The following PCOLCE variants were observed in gnomAD, a reference collection of about 807,000 sequenced individuals.
PCOLCE encodes the protein procollagen C-endopeptidase enhancer.
In PCOLCE, 33 loss-of-function variants were observed where a neutral mutation model predicts 47.2. The ratio of observed to expected loss-of-function variants is 0.70; its 90% CI spans 0.53 to 0.93. The LOEUF (loss-of-function observed/expected upper bound fraction) is 0.93, where lower values mean the gene tolerates loss of function less well. PCOLCE is among the 40% of genes least tolerant of loss of function. The probability of loss-of-function intolerance (pLI) is 0.00; values close to 1 mark genes in which losing one functional copy is unlikely to be tolerated. For synonymous variants in PCOLCE, 254 were observed against 252.5 expected (o/e 1.01, Z -0.06); for missense variants, 584 against 585.3 (o/e 1.00, Z 0.02).
At position 100,604,052 on chromosome 7, in the gene PCOLCE, G is replaced by A; in HGVS notation, c.298G>A (p.Gly100Arg). ...CRYDALEVFAGSGTSGQRLGR... is the reference protein window; with the variant it reads ...CRYDALEVFARSGTSGQRLGR... ...CTACGATGCTCTGGAGGTCTTCGCTGGGTCTGGGACTTCCGGCCAGCGGCT... is the reference window on the plus strand; with the variant it reads ...CTACGATGCTCTGGAGGTCTTCGCTAGGTCTGGGACTTCCGGCCAGCGGCT... The change falls in exon 3 of 9, where the codon GGG becomes AGG. Residue 100 changes from glycine to arginine, a missense_variant. Gly to Arg is a moderately radical substitution (Grantham distance 125, BLOSUM62 -2). Transcript: ENST00000223061. The surrounding 1 kb of genome is among the most constrained non-coding windows in gnomAD (Gnocchi z 6.4). 1 of 1,608,334 alleles carries A rather than the reference G, an allele frequency of 6.2e-7. No individual in the cohort carries two copies. The highest frequency in any genetic ancestry group is 8.5e-7 in the Non-Finnish European group (1 of 1,180,000).
Position 100,605,858 on chromosome 7 carries a change from G to T in PCOLCE, c.725+46G>T, listed in dbSNP as rs1320377779. On this transcript the variant is annotated intron_variant, in intron 5 of 8. Coordinates refer to ENST00000223061, the MANE Select transcript of PCOLCE (RefSeq NM_002593.4). The surrounding 1 kb of genome is among the most constrained non-coding windows in gnomAD (Gnocchi z 6.1). ...GAGTCCGGGAGAGAGTCGGCGGACC[G>T]CACGCACGCGGCTGTTTGGAGGGGC... is the stretch of plus-strand genomic sequence containing the variant. The T allele has an allele frequency of 1.3e-6, 2 of 1,534,616 alleles. No individual in the cohort carries two copies. The highest frequency in any genetic ancestry group is 1.8e-6 in the Non-Finnish European group (2 of 1,135,408).
chr7:100,606,747 A>G, intron 6 of PCOLCE, 117 bp downstream of exon 6: 1 of 740,952 alleles, frequency 1.3e-6, no homozygotes, highest in South Asian at 1.9e-5. Context: ...TCCAGACAGC[A>G]GGATCGCTTA....
At chr7:100,603,344 C>T in intron 1 of PCOLCE, 86 bp from the exon 2 acceptor site, 1 of 696,194 alleles carries the variant, frequency 1.4e-6, no homozygotes, top group Non-Finnish European at 2.5e-6. Context: ...CTTGGAGTTT[C>T]ATCCTCATCA....
Position 100,604,515 on chromosome 7 carries a change from C to T in PCOLCE, c.463+298C>T, listed in dbSNP as rs112011139. ...GGTTACTGGGACGGTGAGTAACTGC[C>T]GGCCCCCGTCCGCAATCGGGCTCCC... On this transcript the variant is annotated intron_variant, in intron 3 of 8. Coordinates refer to ENST00000223061, the MANE Select transcript of PCOLCE (RefSeq NM_002593.4). This position sits in a 1 kb window ranked among gnomAD's most constrained non-coding sequence, Gnocchi z 6.4. 5.1e-3 allele frequency: 2,539 copies of T among 500,424 alleles called. 46 individuals carry two copies. Among genetic ancestry groups the T allele is most frequent in the African/African-American group, 0.035 (1,771 of 51,204 alleles). 31.0% of individuals were successfully genotyped at this position (500,424 alleles called of 1,614,324 possible).
In PCOLCE at chr7:100,605,567, G is replaced by C. The variant is rs1802699203; in HGVS notation, c.589-109G>C. 1 of 1,360,830 alleles carries C rather than the reference G, an allele frequency of 7.3e-7. No individual in the cohort carries two copies. Among genetic ancestry groups the C allele is most frequent in the Non-Finnish European group, 1.0e-6 (1 of 998,044 alleles). 84.3% of individuals were successfully genotyped at this position (1,360,830 alleles called of 1,614,324 possible). A position where few individuals can be genotyped will look rare whatever the true frequency, so the allele number is the denominator to read the frequency against. On this transcript the variant is annotated intron_variant, in intron 4 of 8. Transcript: ENST00000223061. The surrounding 1 kb of genome is among the most constrained non-coding windows in gnomAD (Gnocchi z 6.1). ...TGAACGCCTTCAGGAGGGGGGCCCAGAGGACGCGGGAGGTGGGAGTGGGAG... is the reference window on the plus strand; with the variant it reads ...TGAACGCCTTCAGGAGGGGGGCCCACAGGACGCGGGAGGTGGGAGTGGGAG...
At position 100,605,654 on chromosome 7, in the gene PCOLCE, C is replaced by T. The variant is rs752132532; in HGVS notation, c.589-22C>T. ...GCCCAGGGGTGTCCCGCCGCGCAGT[C>T]CCCGCCTCCGCCCGCCGCCAGGTCA... is the stretch of plus-strand genomic sequence containing the variant. On this transcript the variant is annotated intron_variant, in intron 4 of 8. Coordinates refer to ENST00000223061, the MANE Select transcript of PCOLCE (RefSeq NM_002593.4). This position sits in a 1 kb window ranked among gnomAD's most constrained non-coding sequence, Gnocchi z 6.1. The T allele has an allele frequency of 4.0e-5, 62 of 1,567,814 alleles. No individual in the cohort carries two copies. The highest frequency in any genetic ancestry group is 5.1e-5 in the Non-Finnish European group (59 of 1,157,208).
At chr7:100,606,377 G>A (rs749770192) in intron 5 of PCOLCE, 39 bp from the exon 6 acceptor site, 36 of 1,484,906 alleles carry the variant, frequency 2.4e-5, no homozygotes, top group South Asian at 1.5e-4. Context: ...GTGCACGCCC[G>A]CCCTGACACT....
In PCOLCE at chr7:100,604,019, G is replaced by A. The variant is rs558587040; in HGVS notation, c.265G>A (p.Ala89Thr). The part of the protein sequence containing the change: ...FRVFDLELHP[A>T]CRYDALEVFA... ...AGTCTTCGACCTGGAGCTGCACCCC[G>A]CCTGCCGCTACGATGCTCTGGAGGT... The change falls in exon 3 of 9, where the codon GCC (alanine) becomes ACC (threonine). Residue 89 changes from alanine to threonine, a missense_variant. Coordinates refer to ENST00000223061, the MANE Select transcript of PCOLCE (RefSeq NM_002593.4). This position sits in a 1 kb window ranked among gnomAD's most constrained non-coding sequence, Gnocchi z 6.4. The A allele has an allele frequency of 3.6e-5, 57 of 1,604,968 alleles. No homozygotes were observed. The South Asian group carries it at 4.3e-4, about 12-fold the overall frequency.
At chr7:100,603,184 G>A (rs1229423166) in intron 1 of PCOLCE, 7 of 405,410 alleles carry the variant, frequency 1.7e-5, no homozygotes, top group Non-Finnish European at 3.0e-5. Flanking sequence ...GGTGGGGGTG[G>A]GGACTCTTGG....
chr7:100,604,316 C>T lies in PCOLCE; in HGVS notation c.463+99C>T. Reference sequence around the variant, plus strand: ...CCTCCGCCCCGCCCACCCCGCGCCCCAGTGCCTAGGGCCCCCTACCTCCCT... The same window carrying T: ...CCTCCGCCCCGCCCACCCCGCGCCCTAGTGCCTAGGGCCCCCTACCTCCCT... On this transcript the variant is annotated intron_variant, in intron 3 of 8. Transcript: ENST00000223061. This position sits in a 1 kb window ranked among gnomAD's most constrained non-coding sequence, Gnocchi z 6.4. 2 of 1,152,126 alleles carry T rather than the reference C, an allele frequency of 1.7e-6. No individual in the cohort carries two copies. The highest frequency in any genetic ancestry group is 2.4e-6 in the Non-Finnish European group (2 of 819,738). The allele number at this position is 1,152,126 out of a possible 1,614,324, so 71.4% of individuals were successfully genotyped here. A position where few individuals can be genotyped will look rare whatever the true frequency, so the allele number is the denominator to read the frequency against.
At chr7:100,603,931 G>T in intron 2 of PCOLCE, 28 bp from the exon 3 acceptor site, 1 of 1,594,772 alleles carries the variant, frequency 6.3e-7, no homozygotes, top group Non-Finnish European at 8.5e-7. Flanking sequence ...CTGACTCTGT[G>T]GGTCCCCGCC....
At chr7:100,606,021 G>A (rs1420240785) in intron 5 of PCOLCE, 1 of 613,068 alleles carries the variant, frequency 1.6e-6, no homozygotes, top group Non-Finnish European at 2.8e-6. Context: ...GCTCTGCGAA[G>A]TTGGGACGAA....
rs1802680213 is a variant in PCOLCE at position 100,604,700 on chromosome 7, AG to A, written c.464-387del. 1 of 314,964 alleles carries A rather than the reference AG, an allele frequency of 3.2e-6. No individual in the cohort carries two copies. Among genetic ancestry groups the A allele is most frequent in the African/African-American group, 2.2e-5 (1 of 45,496 alleles). The allele number at this position is 314,964 out of a possible 1,614,324, so 19.5% of individuals were successfully genotyped here. On this transcript the variant is annotated intron_variant, in intron 3 of 8. Coordinates refer to ENST00000223061, the MANE Select transcript of PCOLCE (RefSeq NM_002593.4). The surrounding 1 kb of genome is among the most constrained non-coding windows in gnomAD (Gnocchi z 6.4). ...ATGTTTCAGGCGGGGACCTCCCTAA[AG>A]GGGTCCTCGGGGGCTGTGCCCCAAG...
rs559618495 is a variant in PCOLCE, at chr7:100,607,090, C to CAAAAAAAA, written c.941-353_941-346dup. 1.5e-3 allele frequency among the ~76,000 whole-genome samples: 158 copies of CAAAAAAAA among 105,204 alleles called. 1 individual carries two copies. The highest frequency in any genetic ancestry group is 5.3e-3 in the African/African-American group (139 of 26,214). The allele number at this position is 105,204 out of a possible 152,430, so 69.0% of individuals were successfully genotyped here. ...TGGGTTACAGAGTGAGATTCTGTCT[C>CAAAAAAAA]AAAAAAAAAAAAAAAACTTAGCCAG... On this transcript the variant is annotated intron_variant, in intron 6 of 8. Coordinates refer to ENST00000223061, the MANE Select transcript of PCOLCE (RefSeq NM_002593.4).
In PCOLCE at chr7:100,604,381, C is replaced by T. The variant is rs1802673785; in HGVS notation, c.463+164C>T. The T allele has an allele frequency of 1.6e-6, 1 of 630,940 alleles. No individual in the cohort carries two copies. Among genetic ancestry groups the T allele is most frequent in the Non-Finnish European group, 2.8e-6 (1 of 358,468 alleles). The allele number at this position is 630,940 out of a possible 1,614,324, so 39.1% of individuals were successfully genotyped here. ...ACTAACCGCCCCTTCAGTCCCTCCT[C>T]CCCGTCTTCTCTCCCCTCCTCCCGC... is the stretch of plus-strand genomic sequence containing the variant. On this transcript the variant is annotated intron_variant, in intron 3 of 8. Transcript: ENST00000223061. The surrounding 1 kb of genome is among the most constrained non-coding windows in gnomAD (Gnocchi z 6.4).
In PCOLCE at chr7:100,605,595, G is replaced by A; in HGVS notation, c.589-81G>A. 1 of 1,495,424 alleles carries A rather than the reference G, an allele frequency of 6.7e-7. No individual in the cohort carries two copies. The highest frequency in any genetic ancestry group is 9.0e-7 in the Non-Finnish European group (1 of 1,110,910). 92.6% of individuals were successfully genotyped at this position (1,495,424 alleles called of 1,614,324 possible). A position where few individuals can be genotyped will look rare whatever the true frequency, so the allele number is the denominator to read the frequency against. ...GACGCGGGAGGTGGGAGTGGGAGCTGCTGCAGGCACCCAGTAGGAGATGAG... is the reference window on the plus strand; with the variant it reads ...GACGCGGGAGGTGGGAGTGGGAGCTACTGCAGGCACCCAGTAGGAGATGAG... On this transcript the variant is annotated intron_variant, in intron 4 of 8. Coordinates refer to ENST00000223061, the MANE Select transcript of PCOLCE (RefSeq NM_002593.4). This position sits in a 1 kb window ranked among gnomAD's most constrained non-coding sequence, Gnocchi z 6.1.
rs74421957 is a variant in PCOLCE at position 100,604,243 on chromosome 7, C to G, written c.463+26C>G. 2.2e-5 allele frequency: 35 copies of G among 1,578,394 alleles called. No individual in the cohort carries two copies. Among genetic ancestry groups the G allele is most frequent in the Non-Finnish European group, 2.8e-5 (33 of 1,160,214 alleles). On this transcript the variant is annotated intron_variant, in intron 3 of 8. Coordinates refer to ENST00000223061, the MANE Select transcript of PCOLCE (RefSeq NM_002593.4). The surrounding 1 kb of genome is among the most constrained non-coding windows in gnomAD (Gnocchi z 6.4). Reference sequence around the variant, plus strand: ...GTGAGAACTCCCTCACCTCCGCCTTCCCCCCCTCCAGGCCCCGCCCCGGCC... The same window carrying G: ...GTGAGAACTCCCTCACCTCCGCCTTGCCCCCCTCCAGGCCCCGCCCCGGCC...
At chr7:100,603,830 G>T in intron 2 of PCOLCE, 129 bp from the exon 3 acceptor site, 1 of 1,046,460 alleles carries the variant, frequency 9.6e-7, no homozygotes, top group Non-Finnish European at 1.4e-6. Context: ...CCTCTGCTCT[G>T]CACTCACATG....
Position 100,606,531 on chromosome 7 carries a change from G to A in PCOLCE, c.841G>A (p.Gly281Arg), listed in dbSNP as rs1802720095. 3 of 1,614,240 alleles carry A rather than the reference G, an allele frequency of 1.9e-6. No individual in the cohort carries two copies. Among genetic ancestry groups the A allele is most frequent in the Non-Finnish European group, 2.5e-6 (3 of 1,180,030 alleles). ...KTLPRGTAKEGQGPGPKRGTE... is the reference protein window; with the variant it reads ...KTLPRGTAKERQGPGPKRGTE... ...CCTGCCGCGGGGCACTGCCAAAGAA[G>A]GGCAAGGGCCCGGCCCCAAACGGGG... Residue 281 changes from glycine to arginine, a missense_variant, in exon 6 of 9, where the codon GGG (glycine) becomes AGG (arginine). Coordinates refer to ENST00000223061, the MANE Select transcript of PCOLCE (RefSeq NM_002593.4).
Sources: allele counts gnomAD v4.1 joint callset (sites outside exome capture counted in the v4.1 genomes callset), GRCh38; gene constraint gnomAD v4.1.1; non-coding constraint Gnocchi (gnomAD v3.1); transcripts MANE v1.5; gene names NCBI Gene and HGNC (gene_info 2026-07-23, HGNC 2026-07-21).